The following ERAP1 variants were observed in gnomAD, a reference collection of about 807,000 sequenced individuals.
ERAP1 encodes adipocyte-derived leucine aminopeptidase.
In ERAP1, 86 loss-of-function variants were observed where a neutral mutation model predicts 103.7. The observed-to-expected ratio is 0.83, with a 90% CI of 0.70 to 0.99. ERAP1 has a LOEUF of 0.99. Ranked by LOEUF, ERAP1 falls within the 50% of genes least tolerant of loss-of-function variation. The pLI, the probability that ERAP1 is intolerant of heterozygous loss-of-function variation, is 0.00. For synonymous variants in ERAP1, 398 were observed against 402.4 expected (o/e 0.99, Z 0.13); for missense variants, 1,009 against 1,128.4 (o/e 0.89, Z 1.52).
chr5:96,808,063 G>A, upstream of ERAP1: 3 of 985,550 alleles, frequency 3.0e-6, no homozygotes, highest in Non-Finnish European at 3.6e-6. Context: ...GAGTGGGGCC[G>A]AGCGAGGGAA....
chr5:96,887,667 C>T, the ERAP1 span, among the ~76,000 whole-genome samples: 8 of 152,036 alleles, frequency 5.3e-5, no homozygotes, highest in Non-Finnish European at 8.8e-5. Flanking sequence ...TTAGAGTCTT[C>T]GTTGTTTGCA....
the ERAP1 span, among the ~76,000 whole-genome samples, chr5:96,856,365 T>TATATATATATATAGAGAGAGAGAGAGAG: frequency 9.8e-5 from 2 of 20,378 alleles, 1 homozygote; most frequent in Non-Finnish European, 2.2e-4. Flanking sequence ...TATATATATA[T>TATATATATATATAGAGAGAGAGAGAGAG]AGAGAGAGAG....
the ERAP1 span, among the ~76,000 whole-genome samples, chr5:96,884,460 A>G: frequency 6.6e-6 from 1 of 151,426 alleles, no homozygotes; most frequent in African/African-American, 2.4e-5. Flanking sequence ...TCTGATCTAG[A>G]AGTCTATGAT....
At chr5:96,932,843 A>T in the ERAP1 span, among the ~76,000 whole-genome samples, 4 of 152,128 alleles carry the variant, frequency 2.6e-5, no homozygotes, top group African/African-American at 9.7e-5. Flanking sequence ...TAACTCTCCA[A>T]ATTAATGGTT....
chr5:96,795,195 A>G, intron 4 of ERAP1, 33 bp from the exon 5 acceptor site: 5 of 1,610,894 alleles, frequency 3.1e-6, no homozygotes, highest in Non-Finnish European at 4.2e-6. Flanking sequence ...GAATTCAAAT[A>G]TCTTAACTGG....
At chr5:96,886,743 T>A in the ERAP1 span, 1 of 1,533,636 alleles carries the variant, frequency 6.5e-7, no homozygotes, top group African/African-American at 1.4e-5. Flanking sequence ...GCCTACATAG[T>A]TTGTGATTTC....
At chr5:96,846,912 G>A in the ERAP1 span, among the ~76,000 whole-genome samples, 13,708 of 152,000 alleles carry the variant, frequency 0.09, 804 homozygotes, top group Middle Eastern at 0.16. Context: ...TCATTGGAAT[G>A]GCATAAAAGA....
chr5:96,886,790 G>C, the ERAP1 span: 3 of 1,486,660 alleles, frequency 2.0e-6, no homozygotes, highest in East Asian at 7.2e-5. Flanking sequence ...AGGGGTCAAG[G>C]TGAGACTGAG....
the ERAP1 span, among the ~76,000 whole-genome samples, chr5:96,824,692 A>G: frequency 6.6e-6 from 1 of 152,116 alleles, no homozygotes; most frequent in Non-Finnish European, 1.5e-5. Context: ...TCTTATCAAA[A>G]AGTAGTCACA....
chr5:96,763,101 GGAGA>G, exon 20 of ERAP1: 1 of 776,808 alleles, frequency 1.3e-6, no homozygotes, highest in Non-Finnish European at 2.4e-6. Flanking sequence ...TTTGCTAGAT[GGAGA>G]TGAAGTAACT....
chr5:96,910,923 A>G, the ERAP1 span, among the ~76,000 whole-genome samples: 35 of 152,242 alleles, frequency 2.3e-4, no homozygotes, highest in Admixed American at 4.6e-4. Flanking sequence ...CATGTGGCCT[A>G]CCTTCAAGAA....
rs1293670492 is a variant in ERAP1, at chr5:96,783,179, C to T, written c.2157G>A (p.Glu719=). Residue 719 remains glutamate, a synonymous_variant, in exon 15 of 19, where the codon GAG becomes GAA. Coordinates refer to ENST00000443439, the MANE Select transcript of ERAP1 (RefSeq NM_001040458.3). The part of the protein sequence containing the change: ...DLIDKQTWTD[E]GSVSERMLRS... ...GCAGCATTCGCTCTGAGACTGAGCC[C>T]TCGTCTGTCCATGTCTGCTTATCAA... 6.2e-7 allele frequency: 1 copy of T among 1,614,040 alleles called. No individual in the cohort carries two copies. Among genetic ancestry groups the T allele is most frequent in the Non-Finnish European group, 8.5e-7 (1 of 1,180,018 alleles).
At chr5:96,768,093 G>T in intron 19 of ERAP1, 1 of 852,876 alleles carries the variant, frequency 1.2e-6, no homozygotes, top group Middle Eastern at 2.2e-4. Flanking sequence ...CTATCTATCG[G>T]TCTGTCTTGT....
chr5:96,906,417 C>A, the ERAP1 span, among the ~76,000 whole-genome samples: 3 of 152,134 alleles, frequency 2.0e-5, no homozygotes, highest in Non-Finnish European at 4.4e-5. Context: ...CAGGCACACA[C>A]CACCATGCCC....
At chr5:96,770,557 C>T (rs916239826), downstream of ERAP1, 2 of 1,612,974 alleles carry the variant, frequency 1.2e-6, no homozygotes, top group Non-Finnish European at 8.5e-7. Context: ...CTGCTTCCAG[C>T]TCCAAAGCAC....
the ERAP1 span, among the ~76,000 whole-genome samples, chr5:96,927,286 T>C: frequency 2.0e-5 from 3 of 152,248 alleles, no homozygotes; most frequent in East Asian, 1.9e-4. Flanking sequence ...GTATGTGGCT[T>C]ATAATTTCTC....
chr5:96,898,737 TAAAAC>T, the ERAP1 span, among the ~76,000 whole-genome samples: 13 of 152,056 alleles, frequency 8.5e-5, no homozygotes, highest in African/African-American at 3.1e-4. Context: ...GACTCTGTCT[TAAAAC>T]AAAACAAAAC....
At chr5:96,882,534 A>G in the ERAP1 span, among the ~76,000 whole-genome samples, 2 of 152,182 alleles carry the variant, frequency 1.3e-5, no homozygotes, top group African/African-American at 4.8e-5. Flanking sequence ...AAACTACACA[A>G]ATAATTCAGT....
At chr5:96,903,182 T>G in the ERAP1 span, among the ~76,000 whole-genome samples, 3 of 152,210 alleles carry the variant, frequency 2.0e-5, no homozygotes. Context: ...TGAATTAACT[T>G]ATTTATTAAT....
Sources: gnomAD v4.1 joint callset for allele counts (sites outside exome capture counted in the v4.1 genomes callset) on GRCh38, gnomAD v4.1.1 for gene constraint, MANE v1.5 for transcripts, NCBI Gene and HGNC (gene_info 2026-07-23, HGNC 2026-07-21) for gene names.